PLCG2: variants seen among roughly 807,000 people sequenced by gnomAD.
PLCG2 encodes phospholipase C gamma 2, also known as 1-phosphatidylinositol 4,5-bisphosphate phosphodiesterase gamma-2.
PLCG2 carries 69 observed loss-of-function variants against 175.6 expected under a neutral mutation model. The observed-to-expected ratio is 0.39, with a 90% confidence interval of 0.32 to 0.48. PLCG2 has a LOEUF of 0.48. Ranked by LOEUF, PLCG2 falls within the 20% of genes least tolerant of loss-of-function variation. PLCG2 has a pLI of 0.91. For synonymous variants in PLCG2, 827 were observed against 624.0 expected (o/e 1.33, Z -4.85); for missense variants, 1,798 against 1,650.9 (o/e 1.09, Z -1.54).
intron 27 of PLCG2, among the ~76,000 whole-genome samples, chr16:81,937,095 A>G (rs191420202): frequency 3.9e-5 from 6 of 152,238 alleles, no homozygotes; most frequent in African/African-American, 1.4e-4. Flanking sequence ...ATTTTGATCA[A>G]CTTTGCCCTG....
At chr16:81,745,275 T>G (rs1168598069) in intron 1 of PLCG2, among the ~76,000 whole-genome samples, 1 of 152,158 alleles carries the variant, frequency 6.6e-6, no homozygotes, top group African/African-American at 2.4e-5. Flanking sequence ...TGCTGACCCA[T>G]GAGAGGTAAG....
intron 19 of PLCG2, among the ~76,000 whole-genome samples, chr16:81,916,055 G>C (rs1038469767): frequency 6.6e-6 from 1 of 151,920 alleles, no homozygotes; most frequent in Non-Finnish European, 1.5e-5. Context: ...TTTGTGTCTG[G>C]GTATTTTCAT....
intron 2 of PLCG2, among the ~76,000 whole-genome samples, chr16:81,803,212 G>T (rs1018298249): frequency 1.0e-4 from 15 of 147,528 alleles, no homozygotes; most frequent in Non-Finnish European, 1.9e-4. Context: ...TCTGCCTCAT[G>T]GGTTCATGCC....
Position 81,786,038 on chromosome 16 carries a change from C to G in PLCG2, c.49C>G (p.Gln17Glu). 1.9e-6 allele frequency: 3 copies of G among 1,614,216 alleles called. No individual in the cohort carries two copies. Among genetic ancestry groups the G allele is most frequent in the Non-Finnish European group, 2.5e-6 (3 of 1,180,040 alleles). Residue 17 changes from glutamine to glutamate, a missense_variant, in exon 2 of 33, where the codon CAG becomes GAG. Coordinates refer to ENST00000564138, the MANE Select transcript of PLCG2 (RefSeq NM_002661.5). ...TTCCCTTGCGGAATATGAGAAGAGC[C>G]AGATCAAGAGAGCCCTGGAGCTGGG... is the stretch of plus-strand genomic sequence containing the variant. ...VDSLAEYEKS[Q>E]IKRALELGTV...
At chr16:81,946,861 G>GAA (rs2143755986) in intron 31 of PLCG2, among the ~76,000 whole-genome samples, 1 of 151,922 alleles carries the variant, frequency 6.6e-6, no homozygotes, top group Non-Finnish European at 1.5e-5. Context: ...GGCTTTAGCA[G>GAA]AAGCCTTAAA....
intron 1 of PLCG2, among the ~76,000 whole-genome samples, chr16:81,744,954 G>A (rs552605907): frequency 1.3e-5 from 2 of 152,312 alleles, no homozygotes; most frequent in African/African-American, 4.8e-5. Flanking sequence ...AAAGGAAGAA[G>A]GGTTGGTTTT....
chr16:81,758,215 C>A (rs917427066), intron 2 of PLCG2, among the ~76,000 whole-genome samples: 1 of 152,136 alleles, frequency 6.6e-6, no homozygotes, highest in African/African-American at 2.4e-5. Flanking sequence ...TGGGCTCAAG[C>A]GATCTGCCTG....
In PLCG2 at chr16:81,770,816, T is replaced by C. The variant is rs146162216; in HGVS notation, c.-48+14850T>C. On this transcript the variant is annotated intron_variant, in intron 2 of 5. Coordinates refer to the PLCG2 transcript ENST00000565054. ...GCTCACGCCTGTTATCCCAGCACTT[T>C]GCGGGGCCGAGGCGGGCGGATCGTG... Among the ~76,000 whole-genome samples, 191 of 152,236 alleles carry C rather than the reference T, an allele frequency of 1.3e-3. 4 individuals are homozygous for C. In the East Asian group the frequency reaches 0.033, roughly 26 times the overall value.
At chr16:81,928,429 C>A in intron 23 of PLCG2, 129 bp from the exon 24 acceptor site, 2 of 673,198 alleles carry the variant, frequency 3.0e-6, no homozygotes, top group South Asian at 1.7e-5. Flanking sequence ...ATGGACGTAT[C>A]TGGTAATGAA....
intron 2 of PLCG2, among the ~76,000 whole-genome samples, chr16:81,825,705 A>G (rs1424546040): frequency 6.6e-6 from 1 of 152,232 alleles, no homozygotes; most frequent in Non-Finnish European, 1.5e-5. Context: ...CTCATCTAAT[A>G]GGAAACACAC....
At chr16:81,805,070 A>G (rs1239601107) in intron 2 of PLCG2, among the ~76,000 whole-genome samples, 2 of 152,224 alleles carry the variant, frequency 1.3e-5, no homozygotes, top group Non-Finnish European at 1.5e-5. Context: ...ACAACATCAG[A>G]CACTTTTCCC....
At chr16:81,913,531 C>T (rs1403927735) in intron 19 of PLCG2, among the ~76,000 whole-genome samples, 2 of 152,242 alleles carry the variant, frequency 1.3e-5, no homozygotes, top group Non-Finnish European at 2.9e-5. Context: ...AGCCTAAGCT[C>T]TTCACTCCAG....
At chr16:81,885,634 T>TAAA (rs1555516337) in intron 9 of PLCG2, among the ~76,000 whole-genome samples, 1 of 151,958 alleles carries the variant, frequency 6.6e-6, no homozygotes, top group African/African-American at 2.4e-5. Flanking sequence ...CTTTTTTTTT[T>TAAA]AAAATATAGC....
intron 1 of PLCG2, among the ~76,000 whole-genome samples, chr16:81,780,888 G>A (rs543693805): frequency 5.2e-4 from 79 of 152,222 alleles, no homozygotes; most frequent in Non-Finnish European, 2.9e-4. Context: ...TTACCTGGGC[G>A]TGGTGGTGGC....
chr16:81,936,692 G>C (rs1234746902), intron 27 of PLCG2, among the ~76,000 whole-genome samples: 1 of 152,194 alleles, frequency 6.6e-6, no homozygotes, highest in African/African-American at 2.4e-5. Flanking sequence ...CTCTTCTCCA[G>C]GCCTGTTGCT....
intron 31 of PLCG2, 97 bp from the exon 32 acceptor site, chr16:81,956,598 C>T: frequency 1.9e-6 from 2 of 1,075,360 alleles, no homozygotes; most frequent in Non-Finnish European, 2.7e-6. Flanking sequence ...ACTTCTGCCC[C>T]ATGCTCCCTT....
In PLCG2 at chr16:81,779,341, G is replaced by C. The variant is rs1310260115; in HGVS notation, c.-131G>C. ...GGGCGTGAGCGGCGCTGAGTGACCC[G>C]AGTCGGGACGCGGGCTGCGCGCGCG... On this transcript the variant is annotated 5_prime_UTR_variant, in exon 1 of 33. Coordinates refer to ENST00000564138, the MANE Select transcript of PLCG2 (RefSeq NM_002661.5). 1 of 150,802 alleles carries C rather than the reference G, an allele frequency of 6.6e-6. No homozygotes were observed. Among genetic ancestry groups the C allele is most frequent in the East Asian group, 1.9e-4 (1 of 5,144 alleles). The allele number at this position is 150,802 out of a possible 1,614,324, so 9.3% of individuals were successfully genotyped here. A position where few individuals can be genotyped will look rare whatever the true frequency, so the allele number is the denominator to read the frequency against.
intron 31 of PLCG2, among the ~76,000 whole-genome samples, chr16:81,948,839 G>A (rs1351124273): frequency 6.6e-6 from 1 of 152,126 alleles, no homozygotes; most frequent in Non-Finnish European, 1.5e-5. Context: ...AAAACCATGA[G>A]CATGCAGTGG....
chr16:81,872,484 T>C (rs1203601291), intron 7 of PLCG2, among the ~76,000 whole-genome samples: 1 of 152,240 alleles, frequency 6.6e-6, no homozygotes, highest in Admixed American at 6.5e-5. Flanking sequence ...TAGTTACCTT[T>C]TCTTTGCACA....
Sources: allele counts gnomAD v4.1 joint callset (sites outside exome capture counted in the v4.1 genomes callset), GRCh38; gene constraint gnomAD v4.1.1; transcripts MANE v1.5; gene names NCBI Gene and HGNC (gene_info 2026-07-23, HGNC 2026-07-21).